The following CARD19 variants were observed in gnomAD, a reference collection of about 807,000 sequenced individuals.
CARD19 encodes the protein caspase recruitment domain-containing protein 19.
In CARD19, 25 loss-of-function variants were observed where a neutral mutation model predicts 24.1. The ratio of observed to expected loss-of-function variants is 1.04; its 90% CI spans 0.76 to 1.45. The LOEUF (loss-of-function observed/expected upper bound fraction) is 1.45, where lower values mean the gene tolerates loss of function less well. Ranked by LOEUF, CARD19 falls within the 40% of genes most tolerant of loss-of-function variation. The pLI, the probability that CARD19 is intolerant of heterozygous loss-of-function variation, is 0.00. For missense variants in CARD19, 241 were observed against 247.4 expected, an observed-to-expected ratio of 0.97 and a Z score of 0.17; for synonymous variants, 103 against 104.9, an observed-to-expected ratio of 0.98 and a Z score of 0.11.
In CARD19 at chr9:93,112,219, A is replaced by G. The variant is rs747751272; in HGVS notation, c.366A>G (p.Gly122=). 6.5e-7 allele frequency: 1 copy of G among 1,544,984 alleles called. No homozygotes were observed. Among genetic ancestry groups the G allele is most frequent in the South Asian group, 1.2e-5 (1 of 83,988 alleles). Residue 122 remains glycine (G), a splice_region_variant and synonymous_variant, in exon 5 of 6, where the codon GGA becomes GGG. Transcript: ENST00000375464. ...CTGTTCACGCTGGTTTCTCCCCAGG[A>G]CCCATGAGCTTCCTGGCTGGCCTGG... ...GSQSGELSNR[G]PMSFLAGLGL...
Position 93,113,240 on chromosome 9 carries a change from C to T in CARD19, c.*133C>T, listed in dbSNP as rs1827582515. 1.7e-6 allele frequency: 1 copy of T among 605,812 alleles called. No individual in the cohort carries two copies. The allele number at this position is 605,812 out of a possible 1,614,324, so 37.5% of individuals were successfully genotyped here. A position where few individuals can be genotyped will look rare whatever the true frequency, so the allele number is the denominator to read the frequency against. Reference sequence around the variant, plus strand: ...ATAATTTGTGTAAAAAACACACCTTCACCTTACAAGGTGCTGACCATATTA... The same window carrying T: ...ATAATTTGTGTAAAAAACACACCTTTACCTTACAAGGTGCTGACCATATTA... On this transcript the variant is annotated 3_prime_UTR_variant, in exon 6 of 6. Coordinates refer to ENST00000375464, the MANE Select transcript of CARD19 (RefSeq NM_032310.5).
In CARD19 at chr9:93,110,587, C is replaced by T. The variant is rs1827429094; in HGVS notation, c.170C>T (p.Ser57Phe). The part of the protein sequence containing the change: ...EAEKFRNPKA[S>F]LRVRLCDLLS... ...CCTCAGTTCCGGAACCCCAAGGCAT[C>T]CTTGCGTGTGCGGCTCTGTGACCTC... The change falls in exon 3 of 6, where the codon TCC (serine) becomes TTC (phenylalanine). Residue 57 changes from serine to phenylalanine, a missense_variant. By Grantham distance (155) the Ser-to-Phe change is radical (BLOSUM62 -2). Coordinates refer to ENST00000375464, the MANE Select transcript of CARD19 (RefSeq NM_032310.5). The T allele has an allele frequency of 2.5e-6, 4 of 1,608,866 alleles. No homozygotes were observed. In the African/African-American group the frequency reaches 5.3e-5, roughly 21 times the overall value.
chr9:93,108,072 C>A (rs1827330822), intron 2 of CARD19, among the ~76,000 whole-genome samples: 1 of 152,186 alleles, frequency 6.6e-6, no homozygotes, highest in South Asian at 2.1e-4. Flanking sequence ...ATTGGGTCTG[C>A]TGTCCCCTTC....
intron 3 of CARD19, chr9:93,111,535 G>T: frequency 8.4e-7 from 1 of 1,187,398 alleles, no homozygotes; most frequent in Non-Finnish European, 1.1e-6. Flanking sequence ...GGCGGGGAGA[G>T]CTCGAGGGGA....
rs146508255 is a variant in CARD19, at chr9:93,102,916, T to C, written c.8-4758T>C. Among the ~76,000 whole-genome samples, 85 of 152,346 alleles carry C rather than the reference T, an allele frequency of 5.6e-4. No individual in the cohort carries two copies. The East Asian group carries it at 0.012, about 22-fold the overall frequency. On this transcript the variant is annotated intron_variant, in intron 1 of 5. Coordinates refer to ENST00000375464, the MANE Select transcript of CARD19 (RefSeq NM_032310.5). ...ATTATAAATTGAGTTGTTTTCTTAA[T>C]TTTTGGATTGTTCATTGTTAGTATG...
intron 1 of CARD19, among the ~76,000 whole-genome samples, chr9:93,100,762 T>G (rs1827048442): frequency 6.6e-6 from 1 of 152,224 alleles, no homozygotes; most frequent in African/African-American, 2.4e-5. Context: ...GTATTCTATT[T>G]TCTGTCTCTA....
chr9:93,102,432 T>C (rs906817001), intron 1 of CARD19, among the ~76,000 whole-genome samples: 2 of 152,254 alleles, frequency 1.3e-5, no homozygotes, highest in Non-Finnish European at 2.9e-5. Context: ...CCTTATGAGA[T>C]ATATGCATTG....
chr9:93,112,307 C>T lies in CARD19; in HGVS notation c.436+18C>T. ...TCCGCCAGGTGGGTGCAAGCGGATC[C>T]TCATGGGGCTGGGCCTGCCTCCCCT... On this transcript the variant is annotated intron_variant, in intron 5 of 5. Coordinates refer to ENST00000375464, the MANE Select transcript of CARD19 (RefSeq NM_032310.5). The T allele has an allele frequency of 6.5e-7, 1 of 1,540,476 alleles. No homozygotes were observed. Among genetic ancestry groups the T allele is most frequent in the Non-Finnish European group, 8.7e-7 (1 of 1,145,770 alleles).
chr9:93,098,735 G>A (rs1344478086), intron 1 of CARD19, among the ~76,000 whole-genome samples: 3 of 152,156 alleles, frequency 2.0e-5, no homozygotes, highest in Admixed American at 1.3e-4. Context: ...CGGACCGTGC[G>A]GCCTGTGCCA....
At chr9:93,100,064 C>G (rs1004064407) in intron 1 of CARD19, among the ~76,000 whole-genome samples, 2 of 152,264 alleles carry the variant, frequency 1.3e-5, no homozygotes, top group African/African-American at 4.8e-5. Context: ...CAGCCCCGCA[C>G]AGGGCGAGCG....
At chr9:93,104,660 A>G (rs1031215152) in intron 1 of CARD19, among the ~76,000 whole-genome samples, 2 of 152,078 alleles carry the variant, frequency 1.3e-5, no homozygotes, top group African/African-American at 4.8e-5. Context: ...CAGATTTTCT[A>G]TTTCTTCACA....
chr9:93,111,914 C>CAG lies in CARD19; in HGVS notation c.343_344dup (p.Ser115ArgfsTer5). ...TTGCACAGAGCTAGACTCGGGCAGC[C>CAG]AGAGCGGCGAGCTGAGTAACAGGGG... is the stretch of plus-strand genomic sequence containing the variant. On this transcript the variant is annotated frameshift_variant, in exon 4 of 6. Coordinates refer to ENST00000375464, the MANE Select transcript of CARD19 (RefSeq NM_032310.5). LOFTEE classifies it high-confidence loss of function. 1 of 1,611,758 alleles carries CAG rather than the reference C, an allele frequency of 6.2e-7. No homozygotes were observed. Among genetic ancestry groups the CAG allele is most frequent in the East Asian group, 2.2e-5 (1 of 44,868 alleles).
At chr9:93,110,334 C>G (rs1827418489) in intron 2 of CARD19, 2 of 640,104 alleles carry the variant, frequency 3.1e-6, no homozygotes, top group Non-Finnish European at 5.1e-6. Context: ...AGCCTGTTTC[C>G]CAACCTCCCA....
At chr9:93,112,710 CCT>C (rs1827548449) in intron 5 of CARD19, among the ~76,000 whole-genome samples, 1 of 152,222 alleles carries the variant, frequency 6.6e-6, no homozygotes, top group South Asian at 2.1e-4. Context: ...GCCCCGTCTC[CCT>C]TTTCTGTGAT....
rs892320023 is a variant in CARD19, at chr9:93,106,516, C to T, written c.8-1158C>T. Among the ~76,000 whole-genome samples the T allele has an allele frequency of 4.7e-5, 7 of 148,540 alleles. 1 individual carries two copies. The East Asian group carries it at 1.4e-3, about 29-fold the overall frequency. The stretch of plus-strand genomic sequence containing the variant: ...CCAGGAGGCAGAGGTTGCAGTGAGC[C>T]GAGATTGGGCCACTGCACTCCAGCT... On this transcript the variant is annotated intron_variant, in intron 1 of 5. Transcript: ENST00000375464.
intron 3 of CARD19, chr9:93,111,667 C>T (rs896199944): frequency 7.2e-7 from 1 of 1,385,850 alleles, no homozygotes; most frequent in East Asian, 2.6e-5. Flanking sequence ...TTCTGTGGCT[C>T]CCGGGTGCCT....
At chr9:93,110,401 A>G (rs891083415) in intron 2 of CARD19, 167 bp from the exon 3 acceptor site, 15 of 1,081,562 alleles carry the variant, frequency 1.4e-5, no homozygotes, top group Non-Finnish European at 1.9e-5. Flanking sequence ...AATGCCAGGC[A>G]CTATGTGGTG....
chr9:93,105,535 C>A (rs1486594285), intron 1 of CARD19, among the ~76,000 whole-genome samples: 3 of 152,206 alleles, frequency 2.0e-5, no homozygotes, highest in Non-Finnish European at 2.9e-5. Flanking sequence ...CCTGCCTTAG[C>A]TTCCCAAAGT....
chr9:93,104,894 A>G (rs903849324), intron 1 of CARD19, among the ~76,000 whole-genome samples: 2 of 152,114 alleles, frequency 1.3e-5, no homozygotes, highest in African/African-American at 4.8e-5. Flanking sequence ...CAAAGAATCA[A>G]CTTTGGTTTT....
Sources: gnomAD v4.1 joint callset for allele counts (sites outside exome capture counted in the v4.1 genomes callset) on GRCh38, gnomAD v4.1.1 for gene constraint, MANE v1.5 for transcripts, NCBI Gene and HGNC (gene_info 2026-07-23, HGNC 2026-07-21) for gene names.